The following C1GALT1 variants were observed in gnomAD, a reference collection of about 807,000 sequenced individuals.
C1GALT1 encodes the protein glycoprotein-N-acetylgalactosamine 3-beta-galactosyltransferase 1.
In C1GALT1, 11 loss-of-function variants were observed where a neutral mutation model predicts 31.0. The observed-to-expected ratio is 0.36, with a 90% CI of 0.22 to 0.59. The LOEUF (loss-of-function observed/expected upper bound fraction) is 0.59, where lower values mean the gene tolerates loss of function less well. Among genes scored for constraint, C1GALT1 ranks in the 20% least tolerant of loss-of-function variants. C1GALT1 has a pLI of 0.79. For missense variants in C1GALT1, 424 were observed against 425.2 expected, an observed-to-expected ratio of 1.00 and a Z score of 0.03; for synonymous variants, 175 against 143.6, an observed-to-expected ratio of 1.22 and a Z score of -1.56.
chr7:7,234,254 T>C (rs1783230936), intron 1 of C1GALT1, 49 bp from the exon 2 acceptor site: 2 of 1,357,952 alleles, frequency 1.5e-6, no homozygotes, highest in South Asian at 1.3e-5. Flanking sequence ...ACTCCGGTTA[T>C]GTATACAGCT....
In C1GALT1 at chr7:7,161,383, T is replaced by C. The variant is rs1780332262; in HGVS notation, c.-18+3957T>C. Among the ~76,000 whole-genome samples the C allele has an allele frequency of 2.0e-5, 3 of 152,110 alleles. No homozygotes were observed. In the South Asian group the frequency reaches 6.2e-4, roughly 31 times the overall value. ...CACTAACATTTTAGTATAAACATAT[T>C]TACAGTGAATAACTTTACATTTGCT... On this transcript the variant is annotated intron_variant, in intron 2 of 3. Coordinates refer to the C1GALT1 transcript ENST00000429911.
chr7:7,202,789 A>G (rs982187593), intron 1 of C1GALT1, among the ~76,000 whole-genome samples: 2 of 152,170 alleles, frequency 1.3e-5, no homozygotes, highest in African/African-American at 4.8e-5. Flanking sequence ...TAGGAACTGC[A>G]TTGAATCTGT....
chr7:7,213,416 G>T (rs190178216), intron 1 of C1GALT1, among the ~76,000 whole-genome samples: 70 of 152,234 alleles, frequency 4.6e-4, no homozygotes, highest in Non-Finnish European at 9.0e-4. Context: ...ATTTTGGAAC[G>T]TATATTAGTA....
chr7:7,185,407 A>T lies in C1GALT1; in HGVS notation c.-18+2587A>T, dbSNP rs568669527. Among the ~76,000 whole-genome samples the T allele has an allele frequency of 2.9e-4, 44 of 152,330 alleles. 1 individual carries two copies. The highest frequency in any genetic ancestry group is 3.4e-3 in the Middle Eastern group (1 of 294). ...AGGGCTGCGGTAACAAAATACGACAAACTGGGTGATTTAAAACAACAGATT... is the reference window on the plus strand; with the variant it reads ...AGGGCTGCGGTAACAAAATACGACATACTGGGTGATTTAAAACAACAGATT... On this transcript the variant is annotated intron_variant, in intron 1 of 3. Transcript: ENST00000436587.
chr7:7,166,755 T>A (rs980344613), intron 2 of C1GALT1, among the ~76,000 whole-genome samples: 8 of 152,232 alleles, frequency 5.3e-5, no homozygotes, highest in Admixed American at 1.3e-4. Flanking sequence ...GAGTTGCTAA[T>A]GCCTACCACA....
intron 1 of C1GALT1, among the ~76,000 whole-genome samples, chr7:7,218,925 C>T (rs371891620): frequency 5.0e-4 from 76 of 151,954 alleles, no homozygotes; most frequent in African/African-American, 1.4e-3. Flanking sequence ...GCTCCGCCTC[C>T]GCAGTTCACG....
chr7:7,182,147 G>C (rs1178785064), upstream of C1GALT1, among the ~76,000 whole-genome samples: 1 of 152,136 alleles, frequency 6.6e-6, no homozygotes, highest in Non-Finnish European at 1.5e-5. Context: ...AAGAGAGCAC[G>C]GGGAGAGAAC....
chr7:7,173,581 T>C (rs575569990), intron 2 of C1GALT1, among the ~76,000 whole-genome samples: 2 of 152,340 alleles, frequency 1.3e-5, no homozygotes, highest in Admixed American at 1.3e-4. Flanking sequence ...TTACCTTGTA[T>C]TAGTCTGTTT....
intron 3 of C1GALT1, among the ~76,000 whole-genome samples, chr7:7,241,814 C>T (rs1374935276): frequency 2.6e-5 from 4 of 151,816 alleles, no homozygotes; most frequent in Non-Finnish European, 5.9e-5. Flanking sequence ...CTCTTGTTTT[C>T]TAATAATTAT....
At chr7:7,162,361 T>C (rs1184112189) in intron 2 of C1GALT1, among the ~76,000 whole-genome samples, 2 of 147,874 alleles carry the variant, frequency 1.4e-5, no homozygotes, top group African/African-American at 2.5e-5. Context: ...TGAGAACATG[T>C]GGTGTTTGGT....
chr7:7,200,873 T>C (rs146334629), intron 1 of C1GALT1, among the ~76,000 whole-genome samples: 1 of 152,370 alleles, frequency 6.6e-6, no homozygotes. Context: ...TTCCCTACGC[T>C]GTTTATTCTA....
chr7:7,164,498 CA>C (rs1346995314), intron 2 of C1GALT1, among the ~76,000 whole-genome samples: 1 of 152,098 alleles, frequency 6.6e-6, no homozygotes, highest in African/African-American at 2.4e-5. Flanking sequence ...TTCCAGAAAA[CA>C]GACTCTGAAA....
At chr7:7,236,918 C>T (rs6943461) in intron 2 of C1GALT1, among the ~76,000 whole-genome samples, 2,095 of 152,220 alleles carry the variant, frequency 0.014, 46 homozygotes, top group African/African-American at 0.047. Flanking sequence ...TTGTTAATTT[C>T]TCATAGGACT....
rs1161772686 is a variant in C1GALT1, at chr7:7,247,850, TACTA to T, written c.*4128_*4131del. ...ATCACTTAATTGATAATTTTAAGCC[TACTA>T]ACTAGGGTTCCCTATGAAATTGAAA... On this transcript the variant is annotated 3_prime_UTR_variant, in exon 4 of 4. Coordinates refer to ENST00000436587, the MANE Select transcript of C1GALT1 (RefSeq NM_020156.5). The T allele has an allele frequency of 1.3e-5, 2 of 152,082 alleles. No homozygotes were observed. Among genetic ancestry groups the T allele is most frequent in the African/African-American group, 4.8e-5 (2 of 41,446 alleles). 9.4% of individuals were successfully genotyped at this position (152,082 alleles called of 1,614,324 possible).
chr7:7,197,896 G>A (rs918190459), intron 1 of C1GALT1, among the ~76,000 whole-genome samples: 1 of 152,216 alleles, frequency 6.6e-6, no homozygotes, highest in Non-Finnish European at 1.5e-5. Context: ...TTTGTATCCT[G>A]AGACTTTGCT....
At chr7:7,179,326 C>T (rs545452933), upstream of C1GALT1, among the ~76,000 whole-genome samples, 2 of 152,218 alleles carry the variant, frequency 1.3e-5, no homozygotes, top group Admixed American at 6.5e-5. Context: ...AAGTTTGACC[C>T]TTTGAAGGAA....
intron 2 of C1GALT1, among the ~76,000 whole-genome samples, chr7:7,171,111 C>T (rs1780449236): frequency 8.6e-6 from 1 of 115,830 alleles, no homozygotes; most frequent in Non-Finnish European, 1.9e-5. Context: ...GTTCTATATA[C>T]ACATGTTAGG....
chr7:7,243,656 G>A lies in C1GALT1; in HGVS notation c.1021G>A (p.Glu341Lys), dbSNP rs760543119. The change falls in exon 4 of 4, where the codon GAA becomes AAA. Residue 341 changes from glutamate (E) to lysine (K), a missense_variant. By Grantham distance (56) the Glu-to-Lys change is moderately conservative. Coordinates refer to ENST00000436587, the MANE Select transcript of C1GALT1 (RefSeq NM_020156.5). Reference sequence around the variant, plus strand: ...ATACAGATATCAACCTACCTTACCTGAACGTATACTAAAGGAAATTAGTCA... The same window carrying A: ...ATACAGATATCAACCTACCTTACCTAAACGTATACTAAAGGAAATTAGTCA... ...YLYRYQPTLP[E>K]RILKEISQAN... is the part of the protein sequence containing the mutation. 2 of 1,609,148 alleles carry A rather than the reference G, an allele frequency of 1.2e-6. No individual in the cohort carries two copies. The highest frequency in any genetic ancestry group is 3.4e-5 in the Admixed American group (2 of 59,010).
chr7:7,170,431 G>T (rs367950134), intron 2 of C1GALT1, among the ~76,000 whole-genome samples: 11 of 152,090 alleles, frequency 7.2e-5, no homozygotes, highest in African/African-American at 2.4e-4. Flanking sequence ...TTGCCTCTGA[G>T]CACTGTTTTT....
Sources: gnomAD v4.1 joint callset for allele counts (sites outside exome capture counted in the v4.1 genomes callset) on GRCh38, gnomAD v4.1.1 for gene constraint, MANE v1.5 for transcripts, NCBI Gene and HGNC (gene_info 2026-07-23, HGNC 2026-07-21) for gene names.